Variants in PTPRO observed in about 807,000 individuals in gnomAD.
PTPRO encodes receptor-type tyrosine-protein phosphatase O.
Under a neutral mutation model 145.2 loss-of-function variants are expected in PTPRO, and 62 were observed. That is an observed-to-expected ratio of 0.43 (90% CI 0.35 to 0.53). The LOEUF (loss-of-function observed/expected upper bound fraction) is 0.53, where lower values mean the gene tolerates loss of function less well. PTPRO is among the 20% of genes least tolerant of loss of function. PTPRO has a pLI of 0.01. For synonymous variants in PTPRO, 565 were observed against 514.7 expected (o/e 1.10, Z -1.32); for missense variants, 1,345 against 1,482.7 (o/e 0.91, Z 1.53).
At chr12:15,376,944 T>C (rs1444328646) in intron 1 of PTPRO, among the ~76,000 whole-genome samples, 1 of 152,202 alleles carries the variant, frequency 6.6e-6, no homozygotes, top group Non-Finnish European at 1.5e-5. Flanking sequence ...TGTAATTTTA[T>C]GTAACTCTTT....
chr12:15,449,833 C>A (rs900999021), intron 1 of PTPRO, among the ~76,000 whole-genome samples: 1 of 152,126 alleles, frequency 6.6e-6, no homozygotes, highest in Non-Finnish European at 1.5e-5. Context: ...ATCTTTGCTA[C>A]TCTTCTGTAA....
intron 1 of PTPRO, among the ~76,000 whole-genome samples, chr12:15,467,337 T>A (rs1037271494): frequency 1.3e-5 from 2 of 152,010 alleles, no homozygotes; most frequent in Non-Finnish European, 2.9e-5. Context: ...ACTGAACTAA[T>A]GATATATGTC....
At chr12:15,498,808 C>T (rs1942160331) in intron 3 of PTPRO, among the ~76,000 whole-genome samples, 2 of 152,094 alleles carry the variant, frequency 1.3e-5, no homozygotes, top group South Asian at 4.2e-4. Flanking sequence ...TTAATATAAT[C>T]CCATTCTTAA....
At chr12:15,394,979 A>G (rs1414181892) in intron 1 of PTPRO, among the ~76,000 whole-genome samples, 2 of 152,208 alleles carry the variant, frequency 1.3e-5, no homozygotes, top group Non-Finnish European at 2.9e-5. Context: ...AAAAGGCGGC[A>G]AAGAAAAACA....
intron 1 of PTPRO, among the ~76,000 whole-genome samples, chr12:15,396,740 T>C (rs1025532427): frequency 2.0e-5 from 3 of 152,080 alleles, no homozygotes; most frequent in Non-Finnish European, 4.4e-5. Flanking sequence ...AGGAAGAAAA[T>C]AAAATGGAAG....
intron 2 of PTPRO, among the ~76,000 whole-genome samples, chr12:15,484,725 C>T (rs1941851549): frequency 6.6e-6 from 1 of 152,030 alleles, no homozygotes; most frequent in Admixed American, 6.6e-5. Flanking sequence ...TATTCCCCAC[C>T]TCATCTTCAA....
At chr12:15,335,356 A>G (rs1241558106) in intron 1 of PTPRO, among the ~76,000 whole-genome samples, 2 of 152,066 alleles carry the variant, frequency 1.3e-5, no homozygotes, top group African/African-American at 4.8e-5. Context: ...ACATTGAGTC[A>G]TGTGGTCATC....
At chr12:15,428,866 AAGG>A (rs1424661027) in intron 1 of PTPRO, among the ~76,000 whole-genome samples, 1 of 152,102 alleles carries the variant, frequency 6.6e-6, no homozygotes, top group African/African-American at 2.4e-5. Flanking sequence ...AGCCAGCAGG[AAGG>A]AGAAGATGAT....
intron 13 of PTPRO, among the ~76,000 whole-genome samples, chr12:15,548,252 A>G (rs1244811750): frequency 1.3e-5 from 2 of 152,198 alleles, no homozygotes; most frequent in Non-Finnish European, 2.9e-5. Context: ...CACTAGTAAT[A>G]ATGGGAAAGC....
intron 1 of PTPRO, among the ~76,000 whole-genome samples, chr12:15,455,667 A>G (rs544872021): frequency 6.6e-6 from 1 of 152,254 alleles, no homozygotes; most frequent in Non-Finnish European, 1.5e-5. Context: ...ATTCATTATT[A>G]ATATTTAGAA....
intron 1 of PTPRO, among the ~76,000 whole-genome samples, chr12:15,453,023 CT>C (rs35060016): frequency 4.3e-4 from 65 of 151,316 alleles, no homozygotes; most frequent in Middle Eastern, 3.4e-3. Context: ...ACACACATCC[CT>C]TTTTTTTTCT....
chr12:15,558,074 A>C (rs546696901), intron 16 of PTPRO, among the ~76,000 whole-genome samples: 10 of 151,968 alleles, frequency 6.6e-5, no homozygotes, highest in Admixed American at 3.3e-4. Flanking sequence ...AGCTGGGACT[A>C]CAGGCGCGCA....
chr12:15,548,968 T>C, intron 13 of PTPRO, 126 bp from the exon 14 acceptor site: 1 of 1,067,430 alleles, frequency 9.4e-7, no homozygotes, highest in African/African-American at 1.6e-5. Context: ...CATTTTTCAA[T>C]GCTATTCTTT....
intron 10 of PTPRO, among the ~76,000 whole-genome samples, chr12:15,522,857 A>G (rs756720398): frequency 9.8e-5 from 15 of 152,358 alleles, no homozygotes; most frequent in East Asian, 5.8e-4. Context: ...GGAAAGATAT[A>G]TACTTCTGGG....
chr12:15,386,728 A>G (rs1436346917), intron 1 of PTPRO, among the ~76,000 whole-genome samples: 1 of 152,094 alleles, frequency 6.6e-6, no homozygotes, highest in Non-Finnish European at 1.5e-5. Context: ...CAGATAGCCT[A>G]CATGAGAGTA....
intron 1 of PTPRO, among the ~76,000 whole-genome samples, chr12:15,408,310 T>C (rs1939701980): frequency 6.6e-6 from 1 of 152,200 alleles, no homozygotes; most frequent in African/African-American, 2.4e-5. Flanking sequence ...TCTCCCCAAA[T>C]AAGATCAATC....
rs144784597 is a variant in PTPRO at position 15,379,365 on chromosome 12, CAA to C, written c.75+56579_75+56580del. Among the ~76,000 whole-genome samples, 561 of 110,982 alleles carry C rather than the reference CAA, an allele frequency of 5.1e-3. 2 individuals carry two copies. The highest frequency in any genetic ancestry group is 0.015 in the African/African-American group (519 of 33,892). 72.8% of individuals were successfully genotyped at this position (110,982 alleles called of 152,430 possible). ...GAAACCCCTGTCTCTACTAAAAATA[CAA>C]AAAAAAAAAAAAAATTACCTGGGCA... On this transcript the variant is annotated intron_variant, in intron 1 of 26. Coordinates refer to ENST00000281171, the MANE Select transcript of PTPRO (RefSeq NM_030667.3).
intron 1 of PTPRO, among the ~76,000 whole-genome samples, chr12:15,331,079 C>A (rs1866594292): frequency 6.6e-6 from 1 of 151,942 alleles, no homozygotes; most frequent in Non-Finnish European, 1.5e-5. Context: ...GGGCAGTGGG[C>A]CGGAAGGGGG....
intron 1 of PTPRO, among the ~76,000 whole-genome samples, chr12:15,444,759 T>C (rs554208365): frequency 1.3e-4 from 20 of 152,180 alleles, no homozygotes; most frequent in Non-Finnish European, 2.5e-4. Flanking sequence ...GCACCAAATC[T>C]AATAGTGCCT....
Sources: allele counts gnomAD v4.1 joint callset (sites outside exome capture counted in the v4.1 genomes callset), GRCh38; gene constraint gnomAD v4.1.1; transcripts MANE v1.5; gene names NCBI Gene and HGNC (gene_info 2026-07-23, HGNC 2026-07-21).